COL21A1: variants seen among roughly 807,000 people sequenced by gnomAD.
The protein encoded by COL21A1 is collagen type XXI alpha 1 chain.
A neutral mutation model predicts 137.9 loss-of-function variants in COL21A1; 149 were observed. The ratio of observed to expected loss-of-function variants is 1.08; its 90% CI spans 0.95 to 1.24. The LOEUF is 1.24. Ranked by LOEUF, COL21A1 falls within the 50% of genes most tolerant of loss-of-function variation. The pLI, the probability that COL21A1 is intolerant of heterozygous loss-of-function variation, is 0.00. For synonymous variants in COL21A1, 456 were observed against 391.5 expected, an observed-to-expected ratio of 1.16 and a Z score of -1.95; for missense variants, 1,167 against 1,158.4, an observed-to-expected ratio of 1.01 and a Z score of -0.11.
At chr6:56,135,554 A>G (rs1035584430) in intron 12 of COL21A1, among the ~76,000 whole-genome samples, 3 of 152,178 alleles carry the variant, frequency 2.0e-5, no homozygotes, top group Non-Finnish European at 4.4e-5. Flanking sequence ...TCAAAGTTTA[A>G]CTATGAAGTT....
intron 3 of COL21A1, among the ~76,000 whole-genome samples, chr6:56,179,122 T>C (rs2152280009): frequency 6.6e-6 from 1 of 152,114 alleles, no homozygotes; most frequent in Non-Finnish European, 1.5e-5. Flanking sequence ...TGAAATTATA[T>C]ATGCAATAGT....
intron 1 of COL21A1, among the ~76,000 whole-genome samples, chr6:56,360,101 T>C (rs896896021): frequency 2.0e-5 from 3 of 152,170 alleles, no homozygotes; most frequent in African/African-American, 7.2e-5. Flanking sequence ...TCTCCTGGAA[T>C]TGGAAGTCCT....
chr6:56,315,401 ATTAAAG>A (rs1562052128), intron 1 of COL21A1, among the ~76,000 whole-genome samples: 2 of 152,226 alleles, frequency 1.3e-5, no homozygotes, highest in African/African-American at 4.8e-5. Flanking sequence ...TTATCTCATT[ATTAAAG>A]TTAAATTTAG....
At position 56,378,315 on chromosome 6, in the gene COL21A1, T is replaced by C. The variant is rs1290873610; in HGVS notation, c.-39+15656A>G. Among the ~76,000 whole-genome samples, 4 of 152,240 alleles carry C rather than the reference T, an allele frequency of 2.6e-5. No homozygotes were observed. The East Asian group carries it at 7.7e-4, about 29-fold the overall frequency. The stretch of plus-strand genomic sequence containing the variant: ...GGACTCAGCTCTTGGATGACATTTC[T>C]GGACCGCCCTGGGATAGAGCAGAGC... On this transcript the variant is annotated intron_variant, in intron 1 of 28. Transcript: ENST00000370819.
At chr6:56,355,929 G>T (rs769981639) in intron 1 of COL21A1, among the ~76,000 whole-genome samples, 4 of 152,160 alleles carry the variant, frequency 2.6e-5, no homozygotes, top group Non-Finnish European at 5.9e-5. Flanking sequence ...CTCAACTGAG[G>T]CTCTGCCATC....
At chr6:56,090,888 T>C (rs562832195) in intron 17 of COL21A1, among the ~76,000 whole-genome samples, 29 of 152,258 alleles carry the variant, frequency 1.9e-4, no homozygotes, top group Non-Finnish European at 3.7e-4. Context: ...ACTCGGCACA[T>C]ACTTGGTATG....
intron 1 of COL21A1, among the ~76,000 whole-genome samples, chr6:56,393,129 C>T (rs1489320937): frequency 1.3e-5 from 2 of 149,770 alleles, no homozygotes; most frequent in Admixed American, 1.3e-4. Flanking sequence ...ACCAAAACAA[C>T]ATGGTATTGG....
intron 1 of COL21A1, among the ~76,000 whole-genome samples, chr6:56,220,050 G>A (rs1034030864): frequency 2.5e-4 from 38 of 152,090 alleles, no homozygotes; most frequent in African/African-American, 8.7e-4. Context: ...ATAATAGACT[G>A]TATTGGTATA....
chr6:56,391,586 A>G (rs552368842), intron 1 of COL21A1, among the ~76,000 whole-genome samples: 99 of 152,208 alleles, frequency 6.5e-4, no homozygotes, highest in African/African-American at 2.3e-3. Context: ...AAATAAAATC[A>G]GAGATAAAAA....
intron 1 of COL21A1, among the ~76,000 whole-genome samples, chr6:56,293,604 A>G (rs1764103655): frequency 6.6e-6 from 1 of 152,150 alleles, no homozygotes; most frequent in Non-Finnish European, 1.5e-5. Flanking sequence ...ATGAAATAAA[A>G]CATGAGATTA....
chr6:56,384,894 T>C (rs909763092), intron 1 of COL21A1, among the ~76,000 whole-genome samples: 1 of 152,198 alleles, frequency 6.6e-6, no homozygotes, highest in Admixed American at 6.5e-5. Flanking sequence ...CAAGGATATA[T>C]GTTGACCTCC....
chr6:56,242,056 A>C (rs372507998), intron 1 of COL21A1, among the ~76,000 whole-genome samples: 2 of 152,178 alleles, frequency 1.3e-5, no homozygotes, highest in East Asian at 1.9e-4. Context: ...CTAACAAGGA[A>C]TGTTCCTCCC....
chr6:56,178,570 T>C (rs17221026), intron 3 of COL21A1, among the ~76,000 whole-genome samples: 10,382 of 152,120 alleles, frequency 0.068, 418 homozygotes, highest in South Asian at 0.12. Flanking sequence ...TTGGGAGTTT[T>C]TGTAGACAAA....
intron 16 of COL21A1, among the ~76,000 whole-genome samples, chr6:56,107,862 G>A (rs1252626232): frequency 6.6e-6 from 1 of 151,934 alleles, no homozygotes; most frequent in Non-Finnish European, 1.5e-5. Flanking sequence ...TTGCAGATCT[G>A]AAACAAAGAT....
At chr6:56,312,797 G>A (rs552166157) in intron 1 of COL21A1, among the ~76,000 whole-genome samples, 1 of 152,216 alleles carries the variant, frequency 6.6e-6, no homozygotes, top group East Asian at 1.9e-4. Flanking sequence ...ACCATCTGGC[G>A]CACCTCAGTA....
upstream of COL21A1, among the ~76,000 whole-genome samples, chr6:56,252,388 C>A (rs1782874359): frequency 6.6e-6 from 1 of 152,170 alleles, no homozygotes. Context: ...CTGCTTCTAG[C>A]CCTAACTTCT....
chr6:56,117,882 C>A (rs1772079100), intron 16 of COL21A1, among the ~76,000 whole-genome samples: 1 of 151,592 alleles, frequency 6.6e-6, no homozygotes, highest in Non-Finnish European at 1.5e-5. Context: ...ATTCTTGAAG[C>A]AAGTAATCAT....
chr6:56,393,611 A>G (rs1458552907), intron 1 of COL21A1, among the ~76,000 whole-genome samples: 1 of 152,220 alleles, frequency 6.6e-6, no homozygotes, highest in Non-Finnish European at 1.5e-5. Flanking sequence ...AAGACAAAAT[A>G]GTGTATAGAG....
chr6:56,259,565 T>C (rs779822628), intron 1 of COL21A1, among the ~76,000 whole-genome samples: 1 of 152,262 alleles, frequency 6.6e-6, no homozygotes, highest in South Asian at 2.1e-4. Flanking sequence ...CAAAAACATA[T>C]GTATCCAACT....
Sources: allele counts gnomAD v4.1 joint callset (sites outside exome capture counted in the v4.1 genomes callset), GRCh38; gene constraint gnomAD v4.1.1; transcripts MANE v1.5; gene names NCBI Gene and HGNC (gene_info 2026-07-23, HGNC 2026-07-21).